LRMDA: variants seen among roughly 807,000 people sequenced by gnomAD.
LRMDA encodes leucine-rich melanocyte differentiation-associated protein.
LRMDA carries 18 observed loss-of-function variants against 29.8 expected under a neutral mutation model. The observed-to-expected ratio is 0.60, with a 90% CI of 0.42 to 0.90. LRMDA has a LOEUF of 0.90. Ranked by LOEUF, LRMDA falls within the 40% of genes least tolerant of loss-of-function variation. The pLI is 0.00. For missense variants in LRMDA, 273 were observed against 273.9 expected, an observed-to-expected ratio of 1.00 and a Z score of 0.02; for synonymous variants, 125 against 109.4, an observed-to-expected ratio of 1.14 and a Z score of -0.89.
chr10:75,739,003 G>T (rs544351252), intron 2 of LRMDA, among the ~76,000 whole-genome samples: 5 of 152,280 alleles, frequency 3.3e-5, no homozygotes, highest in African/African-American at 1.2e-4. Flanking sequence ...AGCAACTTTT[G>T]CTTGGTCCCA....
At chr10:75,768,842 G>T (rs1027542460) in intron 2 of LRMDA, among the ~76,000 whole-genome samples, 7 of 152,128 alleles carry the variant, frequency 4.6e-5, no homozygotes, top group African/African-American at 1.7e-4. Flanking sequence ...TATAATTGAG[G>T]TGCAAAGTAA....
chr10:76,425,341 T>G (rs1172750808), intron 6 of LRMDA, among the ~76,000 whole-genome samples: 2 of 152,094 alleles, frequency 1.3e-5, no homozygotes. Context: ...TTAGACAACC[T>G]TAATTTTTTT....
At chr10:75,638,410 A>G (rs1040555441) in intron 2 of LRMDA, among the ~76,000 whole-genome samples, 1 of 152,244 alleles carries the variant, frequency 6.6e-6, no homozygotes, top group Non-Finnish European at 1.5e-5. Flanking sequence ...CCCTACTGCA[A>G]GCCAATTTGT....
intron 2 of LRMDA, among the ~76,000 whole-genome samples, chr10:75,741,186 G>C (rs753092158): frequency 4.6e-5 from 7 of 152,200 alleles, no homozygotes; most frequent in Non-Finnish European, 7.3e-5. Context: ...GTCAGCCCCT[G>C]TGTATTTCTT....
At chr10:75,984,692 T>G (rs906128714) in intron 2 of LRMDA, among the ~76,000 whole-genome samples, 1 of 152,226 alleles carries the variant, frequency 6.6e-6, no homozygotes, top group African/African-American at 2.4e-5. Context: ...AATTGCCCTT[T>G]CATTGGCAAT....
intron 6 of LRMDA, among the ~76,000 whole-genome samples, chr10:76,411,280 C>T (rs1841958450): frequency 6.6e-6 from 1 of 152,146 alleles, no homozygotes; most frequent in Admixed American, 6.5e-5. Context: ...TAAAGGGCAC[C>T]TTCTTGAGGA....
At chr10:76,335,174 A>G (rs1259235901) in intron 6 of LRMDA, among the ~76,000 whole-genome samples, 2 of 152,236 alleles carry the variant, frequency 1.3e-5, no homozygotes, top group East Asian at 1.9e-4. Flanking sequence ...TGATTATTCT[A>G]CATTTCCAGT....
At chr10:75,772,832 C>G (rs1236866692) in intron 2 of LRMDA, among the ~76,000 whole-genome samples, 3 of 114,488 alleles carry the variant, frequency 2.6e-5, no homozygotes, top group Admixed American at 1.4e-4. Flanking sequence ...TGCCCTGCCC[C>G]TCAGGGCACT....
intron 2 of LRMDA, among the ~76,000 whole-genome samples, chr10:75,985,183 G>A (rs1172280750): frequency 3.3e-5 from 5 of 152,182 alleles, no homozygotes. Flanking sequence ...GGGAAAGGAA[G>A]TGAGTAGGAA....
chr10:76,424,306 G>A (rs114462674), intron 6 of LRMDA, among the ~76,000 whole-genome samples: 2,494 of 152,124 alleles, frequency 0.016, 41 homozygotes, highest in African/African-American at 0.045. Flanking sequence ...AAACAGGTAG[G>A]ACCACGAGGT....
intron 6 of LRMDA, among the ~76,000 whole-genome samples, chr10:76,439,949 G>A (rs1231941937): frequency 6.6e-6 from 1 of 152,224 alleles, no homozygotes; most frequent in Non-Finnish European, 1.5e-5. Context: ...CCTTGGGGAA[G>A]TCTTTAAAAA....
intron 5 of LRMDA, among the ~76,000 whole-genome samples, chr10:76,075,158 C>T (rs527524043): frequency 1.6e-4 from 25 of 152,308 alleles, no homozygotes; most frequent in East Asian, 3.9e-4. Flanking sequence ...GACCTGTGTC[C>T]GCTCAAAACT....
chr10:75,515,180 T>C (rs989300829), intron 2 of LRMDA, among the ~76,000 whole-genome samples: 6 of 152,192 alleles, frequency 3.9e-5, no homozygotes, highest in East Asian at 3.8e-4. Context: ...GGTAAATTCA[T>C]AGAGACAGAA....
chr10:75,668,064 A>T (rs371397344), intron 2 of LRMDA, among the ~76,000 whole-genome samples: 1 of 152,244 alleles, frequency 6.6e-6, no homozygotes, highest in Non-Finnish European at 1.5e-5. Flanking sequence ...CCATGGCCCT[A>T]TAAGCAAGTG....
chr10:76,350,641 A>G (rs920900498), intron 6 of LRMDA, among the ~76,000 whole-genome samples: 1 of 152,032 alleles, frequency 6.6e-6, no homozygotes, highest in Non-Finnish European at 1.5e-5. Flanking sequence ...GAGAACAAGC[A>G]TTGTCTTTGG....
intron 5 of LRMDA, among the ~76,000 whole-genome samples, chr10:76,182,819 A>G (rs1851078540): frequency 6.6e-6 from 1 of 152,184 alleles, no homozygotes; most frequent in Non-Finnish European, 1.5e-5. Flanking sequence ...AAGGGTGAAG[A>G]CTGGACAAGA....
chr10:75,778,303 C>T (rs1843338858), intron 2 of LRMDA, among the ~76,000 whole-genome samples: 1 of 152,142 alleles, frequency 6.6e-6, no homozygotes, highest in Admixed American at 6.5e-5. Context: ...ATCTCGAACT[C>T]CTGGCCTCAA....
At chr10:76,547,606 G>A (rs895308467) in intron 6 of LRMDA, among the ~76,000 whole-genome samples, 3 of 152,134 alleles carry the variant, frequency 2.0e-5, no homozygotes, top group Admixed American at 6.5e-5. Flanking sequence ...GATGAATGTA[G>A]AGATAATGGC....
chr10:76,365,942 A>G (rs1841387344), intron 6 of LRMDA, among the ~76,000 whole-genome samples: 1 of 151,742 alleles, frequency 6.6e-6, no homozygotes, highest in African/African-American at 2.4e-5. Flanking sequence ...AGATGAGGAT[A>G]CAGTTCTCCT....
Sources: gnomAD v4.1 joint callset for allele counts (sites outside exome capture counted in the v4.1 genomes callset) on GRCh38, gnomAD v4.1.1 for gene constraint, MANE v1.5 for transcripts, NCBI Gene and HGNC (gene_info 2026-07-23, HGNC 2026-07-21) for gene names.